Variants in COL13A1 observed in about 807,000 individuals in gnomAD.
The protein encoded by COL13A1 is collagen alpha-1(XIII) chain.
In COL13A1, 89 loss-of-function variants were observed where a neutral mutation model predicts 130.9. That is an observed-to-expected ratio of 0.68 (90% CI 0.57 to 0.81). COL13A1 has a LOEUF of 0.81. Among genes scored for constraint, COL13A1 ranks in the 30% least tolerant of loss-of-function variants. COL13A1 has a pLI of 0.00. For synonymous variants in COL13A1, 402 were observed against 341.6 expected (o/e 1.18, Z -1.95); for missense variants, 879 against 934.6 (o/e 0.94, Z 0.78).
At chr10:69,867,750 CCCCTACA>C in intron 2 of COL13A1, 41 bp from the exon 3 acceptor site, 1 of 717,676 alleles carries the variant, frequency 1.4e-6, no homozygotes, top group East Asian at 2.7e-5. Context: ...TCCCCACCGC[CCCCTACA>C]GCAATGACAC....
At chr10:69,815,442 C>T (rs776704313) in intron 1 of COL13A1, among the ~76,000 whole-genome samples, 1 of 152,194 alleles carries the variant, frequency 6.6e-6, no homozygotes, top group Non-Finnish European at 1.5e-5. Context: ...GAGGCCCCGG[C>T]TGCCAGCAGG....
intron 24 of COL13A1, among the ~76,000 whole-genome samples, chr10:69,924,349 C>A (rs187075620): frequency 1.0e-3 from 159 of 152,100 alleles, no homozygotes; most frequent in Non-Finnish European, 1.8e-3. Context: ...ATTGAAACTG[C>A]GCTTGGTTTT....
intron 3 of COL13A1, among the ~76,000 whole-genome samples, chr10:69,868,497 G>A (rs955238120): frequency 2.6e-5 from 4 of 152,178 alleles, no homozygotes; most frequent in African/African-American, 4.8e-5. Flanking sequence ...CTCAAGTAAT[G>A]GATCCAGAGA....
intron 14 of COL13A1, among the ~76,000 whole-genome samples, chr10:69,901,844 A>G (rs2062214374): frequency 6.6e-6 from 1 of 152,180 alleles, no homozygotes; most frequent in Non-Finnish European, 1.5e-5. Context: ...CATCCCGTGG[A>G]CAGGCATGGT....
Position 69,905,920 on chromosome 10 carries a change from G to C in COL13A1, c.921+98G>C, listed in dbSNP as rs2683575. The C allele has an allele frequency of 0.87, 1,193,006 of 1,372,122 alleles. 522,699 individuals carry two copies. The highest frequency in any genetic ancestry group is 0.98 in the East Asian group (40,763 of 41,662). 85.0% of individuals were successfully genotyped at this position (1,372,122 alleles called of 1,614,324 possible). ...AAGAGGGTCTCTCCCTTCCAACCTA[G>C]GTGGCTGTGCCTGTAGTGAGGCAGG... On this transcript the variant is annotated intron_variant, in intron 17 of 40. Transcript: ENST00000645393.
At chr10:69,804,443 C>G (rs1440931208) in intron 1 of COL13A1, among the ~76,000 whole-genome samples, 4 of 152,066 alleles carry the variant, frequency 2.6e-5, no homozygotes, top group Non-Finnish European at 1.5e-5. Flanking sequence ...CATGCTCACT[C>G]CTTCCCTCCA....
intron 2 of COL13A1, among the ~76,000 whole-genome samples, chr10:69,839,820 C>T (rs1488310044): frequency 6.6e-6 from 1 of 152,150 alleles, no homozygotes; most frequent in African/African-American, 2.4e-5. Context: ...AGGGAGGGCG[C>T]GGGCCAGTCC....
At chr10:69,942,554 A>T (rs2067790447) in intron 35 of COL13A1, among the ~76,000 whole-genome samples, 1 of 152,162 alleles carries the variant, frequency 6.6e-6, no homozygotes, top group South Asian at 2.1e-4. Context: ...TATTTTCCTC[A>T]TAAAATCAGT....
chr10:69,893,747 G>A lies in COL13A1; in HGVS notation c.604-805G>A, dbSNP rs1460064441. ...CTGTCCCAGTGCCACCTTTCACTGA[G>A]CCATGGGGCCTTGTCTCTGTCACCT... On this transcript the variant is annotated intron_variant, in intron 10 of 40. Coordinates refer to ENST00000645393, the MANE Select transcript of COL13A1 (RefSeq NM_001368882.1). Among the ~76,000 whole-genome samples the A allele has an allele frequency of 2.0e-5, 3 of 152,372 alleles. No homozygotes were observed. In the East Asian group the frequency reaches 5.8e-4, roughly 29 times the overall value.
chr10:69,915,175 C>CA (rs1245922220), intron 17 of COL13A1, among the ~76,000 whole-genome samples: 1 of 152,226 alleles, frequency 6.6e-6, no homozygotes, highest in Non-Finnish European at 1.5e-5. Flanking sequence ...GAATAACGTC[C>CA]ACTCCCACAT....
At chr10:69,932,734 G>C in intron 31 of COL13A1, 130 bp downstream of exon 31, 1 of 656,340 alleles carries the variant, frequency 1.5e-6, no homozygotes, top group Non-Finnish European at 2.8e-6. Context: ...CCATAGGTCA[G>C]GCACTGATCC....
chr10:69,866,011 G>T (rs188539467), intron 2 of COL13A1, among the ~76,000 whole-genome samples: 9 of 152,328 alleles, frequency 5.9e-5, no homozygotes, highest in Admixed American at 2.0e-4. Flanking sequence ...CTCGAATTGT[G>T]CCTGGCACCT....
chr10:69,838,738 G>A (rs775700516), intron 2 of COL13A1, among the ~76,000 whole-genome samples: 1 of 152,214 alleles, frequency 6.6e-6, no homozygotes, highest in African/African-American at 2.4e-5. Context: ...TATACAGAGC[G>A]CCAGGCATGC....
intron 14 of COL13A1, among the ~76,000 whole-genome samples, chr10:69,900,355 C>A (rs1292268676): frequency 6.6e-6 from 1 of 152,214 alleles, no homozygotes; most frequent in South Asian, 2.1e-4. Flanking sequence ...CACTATCCCC[C>A]GCTTTACAAA....
chr10:69,895,814 C>T (rs1055685243), intron 13 of COL13A1, among the ~76,000 whole-genome samples: 2 of 152,138 alleles, frequency 1.3e-5, no homozygotes, highest in African/African-American at 4.8e-5. Flanking sequence ...ATCACCCGTG[C>T]GTGTCTGTAC....
intron 34 of COL13A1, among the ~76,000 whole-genome samples, chr10:69,939,542 G>T (rs757102883): frequency 3.6e-4 from 55 of 152,132 alleles, no homozygotes; most frequent in Non-Finnish European, 6.0e-4. Context: ...CTGTTTCCAG[G>T]TTTCACCTGG....
intron 2 of COL13A1, among the ~76,000 whole-genome samples, chr10:69,840,433 G>A (rs1193500516): frequency 1.3e-5 from 2 of 152,208 alleles, no homozygotes; most frequent in African/African-American, 4.8e-5. Flanking sequence ...AGGAGCAAGA[G>A]GGGCTGGATG....
intron 34 of COL13A1, among the ~76,000 whole-genome samples, chr10:69,938,291 T>G (rs1457304948): frequency 6.6e-6 from 1 of 151,988 alleles, no homozygotes; most frequent in African/African-American, 2.4e-5. Flanking sequence ...TCAGAAGGTG[T>G]TCACATGTCA....
At chr10:69,803,015 C>A (rs1052205297) in intron 1 of COL13A1, among the ~76,000 whole-genome samples, 1 of 152,170 alleles carries the variant, frequency 6.6e-6, no homozygotes, top group Admixed American at 6.5e-5. Context: ...CGCGGAGGCT[C>A]GCGGAGGCGG....
Sources: gnomAD v4.1 joint callset for allele counts (sites outside exome capture counted in the v4.1 genomes callset) on GRCh38, gnomAD v4.1.1 for gene constraint, MANE v1.5 for transcripts, NCBI Gene and HGNC (gene_info 2026-07-23, HGNC 2026-07-21) for gene names.